Variants in EPHA6 observed in about 807,000 individuals in gnomAD.
EPHA6 encodes EPH receptor A6.
Under a neutral mutation model 112.0 loss-of-function variants are expected in EPHA6, and 50 were observed. The observed-to-expected ratio is 0.45, with a 90% CI of 0.36 to 0.56. The LOEUF is 0.56. EPHA6 is among the 20% of genes least tolerant of loss of function. The pLI is 0.00. For synonymous variants in EPHA6, 529 were observed against 490.7 expected (o/e 1.08, Z -1.03); for missense variants, 1,280 against 1,417.4 (o/e 0.90, Z 1.56).
At chr3:96,974,107 T>C (rs1230720714) in intron 2 of EPHA6, among the ~76,000 whole-genome samples, 1 of 146,318 alleles carries the variant, frequency 6.8e-6, no homozygotes, top group African/African-American at 2.5e-5. Context: ...ATAATGAAAT[T>C]GTATTTATAA....
At chr3:97,064,228 T>C (rs1231643618) in intron 3 of EPHA6, among the ~76,000 whole-genome samples, 1 of 152,200 alleles carries the variant, frequency 6.6e-6, no homozygotes, top group East Asian at 1.9e-4. Flanking sequence ...TATAGAATCC[T>C]CAATTTATTT....
At chr3:96,951,925 G>A (rs1223108788) in intron 2 of EPHA6, among the ~76,000 whole-genome samples, 2 of 152,110 alleles carry the variant, frequency 1.3e-5, no homozygotes, top group African/African-American at 4.8e-5. Flanking sequence ...TCTCCAGGAA[G>A]GAAGAAAGAT....
chr3:96,829,967 A>G lies in EPHA6; in HGVS notation c.385+14959A>G, dbSNP rs1332762941. ...CGCGCGCGCACACACACACACACACACACACACACACACACACACACAGAA... is the reference window on the plus strand; with the variant it reads ...CGCGCGCGCACACACACACACACACGCACACACACACACACACACACAGAA... On this transcript the variant is annotated intron_variant, in intron 1 of 17. Transcript: ENST00000389672. Among the ~76,000 whole-genome samples the G allele has an allele frequency of 3.6e-4, 54 of 151,664 alleles. 1 individual carries two copies. Among genetic ancestry groups the G allele is most frequent in the African/African-American group, 9.4e-4 (39 of 41,388 alleles).
chr3:97,137,542 G>A (rs2075796602), intron 3 of EPHA6, among the ~76,000 whole-genome samples: 2 of 152,004 alleles, frequency 1.3e-5, no homozygotes, highest in Non-Finnish European at 2.9e-5. Context: ...TCATAACAGG[G>A]CCTCATAAAA....
At position 97,168,391 on chromosome 3, in the gene EPHA6, G is replaced by A. The variant is rs551885933; in HGVS notation, c.1115-57873G>A. 2.6e-5 allele frequency among the ~76,000 whole-genome samples: 4 copies of A among 152,158 alleles called. No individual in the cohort carries two copies. In the East Asian group the frequency reaches 7.7e-4, roughly 29 times the overall value. ...TGGGAGGTGATTAGATCGTGGGGGTGGTTTCTAGTGCTGGAGGACCATCCC... is the reference window on the plus strand; with the variant it reads ...TGGGAGGTGATTAGATCGTGGGGGTAGTTTCTAGTGCTGGAGGACCATCCC... On this transcript the variant is annotated intron_variant, in intron 3 of 17. Coordinates refer to ENST00000389672, the MANE Select transcript of EPHA6 (RefSeq NM_001080448.3).
intron 11 of EPHA6, among the ~76,000 whole-genome samples, chr3:97,565,932 G>C (rs531791442): frequency 4.5e-4 from 68 of 150,782 alleles, no homozygotes; most frequent in Admixed American, 1.1e-3. Context: ...CAGGAGAATT[G>C]CTTGAACTCG....
chr3:97,183,302 C>T (rs781319656), intron 3 of EPHA6, among the ~76,000 whole-genome samples: 10 of 151,896 alleles, frequency 6.6e-5, no homozygotes, highest in Non-Finnish European at 1.3e-4. Context: ...AATTCCATAA[C>T]CCTGAAAAAA....
intron 3 of EPHA6, among the ~76,000 whole-genome samples, chr3:97,111,483 A>C (rs1576507037): frequency 6.6e-6 from 1 of 152,076 alleles, no homozygotes; most frequent in East Asian, 1.9e-4. Flanking sequence ...GCATATTTTC[A>C]TCTACAGATA....
chr3:97,698,840 T>G lies in EPHA6; in HGVS notation c.2785-21421T>G, dbSNP rs937894756. 5.9e-5 allele frequency among the ~76,000 whole-genome samples: 9 copies of G among 152,246 alleles called. No individual in the cohort carries two copies. The South Asian group carries it at 6.2e-4, about 10-fold the overall frequency. Reference sequence around the variant, plus strand: ...TATAGGATCTCTGCCTTATTTATTTTTGTATCCACAAGTCCTCGCACGGTG... The same window carrying G: ...TATAGGATCTCTGCCTTATTTATTTGTGTATCCACAAGTCCTCGCACGGTG... On this transcript the variant is annotated intron_variant, in intron 14 of 17. Coordinates refer to ENST00000389672, the MANE Select transcript of EPHA6 (RefSeq NM_001080448.3).
intron 2 of EPHA6, among the ~76,000 whole-genome samples, chr3:96,873,509 A>T (rs531563924): frequency 6.6e-6 from 1 of 152,176 alleles, no homozygotes; most frequent in Non-Finnish European, 1.5e-5. Flanking sequence ...TTTACAAATT[A>T]TGATTCTACT....
At chr3:97,008,048 A>AT (rs2107930536) in intron 3 of EPHA6, among the ~76,000 whole-genome samples, 1 of 152,154 alleles carries the variant, frequency 6.6e-6, no homozygotes, top group East Asian at 1.9e-4. Flanking sequence ...TTTTTTCTTC[A>AT]TTTCGACCTT....
chr3:96,906,475 C>G lies in EPHA6; in HGVS notation c.450+39586C>G, dbSNP rs80237525. Reference sequence around the variant, plus strand: ...AAGACCTCTTGTGTCACTTATTTACCAGTTGAACGTCTTGAACACTCTTCC... The same window carrying G: ...AAGACCTCTTGTGTCACTTATTTACGAGTTGAACGTCTTGAACACTCTTCC... On this transcript the variant is annotated intron_variant, in intron 2 of 17. Transcript: ENST00000389672. 7.4e-4 allele frequency among the ~76,000 whole-genome samples: 113 copies of G among 152,112 alleles called. No individual in the cohort carries two copies. In the East Asian group the frequency reaches 0.02, roughly 27 times the overall value.
chr3:97,507,966 C>T (rs1268035803), intron 10 of EPHA6, among the ~76,000 whole-genome samples: 3 of 152,098 alleles, frequency 2.0e-5, no homozygotes, highest in African/African-American at 7.2e-5. Context: ...TTATAGTATT[C>T]TCTGATGGTA....
chr3:97,691,773 T>C (rs1397128827), intron 14 of EPHA6, among the ~76,000 whole-genome samples: 1 of 152,240 alleles, frequency 6.6e-6, no homozygotes. Context: ...TTAACATTGA[T>C]GTAAACATGA....
intron 6 of EPHA6, among the ~76,000 whole-genome samples, chr3:97,411,044 G>A (rs1260263948): frequency 6.6e-6 from 1 of 151,172 alleles, no homozygotes; most frequent in South Asian, 2.1e-4. Flanking sequence ...AGTGGAATCA[G>A]CAAGTTTTTT....
At chr3:96,872,816 CAG>C (rs1282505360) in intron 2 of EPHA6, among the ~76,000 whole-genome samples, 9 of 151,952 alleles carry the variant, frequency 5.9e-5, no homozygotes, top group Middle Eastern at 3.4e-3. Context: ...AGTTTGAATA[CAG>C]TATATGTAGG....
At chr3:96,924,965 G>A (rs996805493) in intron 2 of EPHA6, among the ~76,000 whole-genome samples, 1 of 152,084 alleles carries the variant, frequency 6.6e-6, no homozygotes, top group Non-Finnish European at 1.5e-5. Flanking sequence ...ATTTGCATAT[G>A]TTGAAACAAC....
chr3:97,593,560 G>T (rs901838515), intron 12 of EPHA6, among the ~76,000 whole-genome samples: 12 of 152,150 alleles, frequency 7.9e-5, no homozygotes, highest in African/African-American at 1.2e-4. Flanking sequence ...AAAAATTATT[G>T]TTATGACATC....
intron 3 of EPHA6, among the ~76,000 whole-genome samples, chr3:97,085,342 A>G (rs1050269641): frequency 1.3e-5 from 2 of 152,098 alleles, no homozygotes; most frequent in Admixed American, 1.3e-4. Flanking sequence ...GCTTGAGTGA[A>G]GAGGTTGAAG....
Sources: gnomAD v4.1 joint callset for allele counts (sites outside exome capture counted in the v4.1 genomes callset) on GRCh38, gnomAD v4.1.1 for gene constraint, MANE v1.5 for transcripts, NCBI Gene and HGNC (gene_info 2026-07-23, HGNC 2026-07-21) for gene names.